The following LRRC66 variants were observed in gnomAD, a reference collection of about 807,000 sequenced individuals.
LRRC66 encodes leucine rich repeat containing 66, also known as leucine-rich repeat-containing protein 66.
Under a neutral mutation model 24.6 loss-of-function variants are expected in LRRC66, and 29 were observed. The observed-to-expected ratio is 1.18, with a 90% CI of 0.88 to 1.61. The LOEUF (loss-of-function observed/expected upper bound fraction) is 1.61, where lower values mean the gene tolerates loss of function less well. Ranked by LOEUF, LRRC66 falls within the 40% of genes most tolerant of loss-of-function variation. The pLI, the probability that LRRC66 is intolerant of heterozygous loss-of-function variation, is 0.00. For missense variants in LRRC66, 1,124 were observed against 1,058.0 expected, an observed-to-expected ratio of 1.06 and a Z score of -0.87; for synonymous variants, 411 against 397.6, an observed-to-expected ratio of 1.03 and a Z score of -0.40.
chr4:51,996,021 G>C lies in LRRC66; in HGVS notation c.1001C>G (p.Thr334Ser). Residue 334 changes from threonine to serine, a missense_variant, in exon 5 of 5, where the codon ACT becomes AGT. By Grantham distance (58) the Thr-to-Ser change is moderately conservative. Coordinates refer to ENST00000682860, the MANE Select transcript of LRRC66 (RefSeq NM_001024611.3). ...PQGGRHTGIS[T>S]LGKKAKAGSG... The stretch of plus-strand genomic sequence containing the variant: ...GCCGGCCTTTGCCTTCTTCCCCAGA[G>C]TAGAAATGCCCGTGTGCCTTCCTCC... 1.2e-6 allele frequency: 2 copies of C among 1,613,936 alleles called. No homozygotes were observed. Among genetic ancestry groups the C allele is most frequent in the Admixed American group, 1.7e-5 (1 of 59,998 alleles).
In LRRC66 at chr4:51,994,810, C is replaced by G. The variant is rs199780048; in HGVS notation, c.2212G>C (p.Glu738Gln). The G allele has an allele frequency of 2.6e-4, 417 of 1,614,196 alleles. No homozygotes were observed. The highest frequency in any genetic ancestry group is 3.1e-4 in the Non-Finnish European group (362 of 1,180,018). Reference sequence around the variant, plus strand: ...TTGTCCTTGCTTGCCCCTGAGCTCTCGTCCTGCAGGGACTCCTCATCAGGC... The same window carrying G: ...TTGTCCTTGCTTGCCCCTGAGCTCTGGTCCTGCAGGGACTCCTCATCAGGC... ...AVPDEESLQD[E>Q]SSGASKDNVT... Residue 738 changes from glutamate to glutamine, a missense_variant, in exon 5 of 5, where the codon GAG becomes CAG. Physicochemically the swap from Glu to Gln is conservative, Grantham distance 29. Transcript: ENST00000682860.
chr4:51,999,715 C>T (rs1736404959), intron 3 of LRRC66, among the ~76,000 whole-genome samples: 2 of 151,968 alleles, frequency 1.3e-5, no homozygotes, highest in African/African-American at 4.8e-5. Flanking sequence ...AATAAAATTA[C>T]TCAGGAGGAA....
At chr4:52,018,113 A>T (rs1240824726) in intron 1 of LRRC66, 1 of 985,342 alleles carries the variant, frequency 1.0e-6, no homozygotes, top group Non-Finnish European at 1.2e-6. Flanking sequence ...TTTAACTCAC[A>T]AAAGAGGCTC....
intron 2 of LRRC66, among the ~76,000 whole-genome samples, chr4:52,012,946 T>C (rs1560561994): frequency 6.6e-6 from 1 of 152,218 alleles, no homozygotes; most frequent in Non-Finnish European, 1.5e-5. Flanking sequence ...CCAAGTGTGA[T>C]AACCTGATAA....
In LRRC66 at chr4:52,003,202, T is replaced by C. The variant is rs201792832; in HGVS notation, c.666+21A>G. 5.1e-6 allele frequency: 8 copies of C among 1,580,496 alleles called. No individual in the cohort carries two copies. In the Admixed American group the frequency reaches 5.3e-5, roughly 10 times the overall value. ...CCCATGTGTCTTCCTTATTCAAATA[T>C]TATAAAAATGATTTTAGAACCTGTA... On this transcript the variant is annotated intron_variant, in intron 3 of 4. Coordinates refer to ENST00000682860, the MANE Select transcript of LRRC66 (RefSeq NM_001024611.3).
intron 1 of LRRC66, among the ~76,000 whole-genome samples, chr4:52,018,999 C>T (rs574761114): frequency 7.9e-5 from 12 of 152,306 alleles, no homozygotes; most frequent in Non-Finnish European, 1.2e-4. Flanking sequence ...GCCTCAGCCT[C>T]CCGAGTAGCT....
Position 51,994,715 on chromosome 4 carries a change from T to C in LRRC66, c.2307A>G (p.Gln769=), listed in dbSNP as rs1736250586. 1 of 1,614,112 alleles carries C rather than the reference T, an allele frequency of 6.2e-7. No homozygotes were observed. Among genetic ancestry groups the C allele is most frequent in the Non-Finnish European group, 8.5e-7 (1 of 1,180,046 alleles). Residue 769 remains glutamine, a synonymous_variant, in exon 5 of 5, where the codon CAA becomes CAG. Coordinates refer to ENST00000682860, the MANE Select transcript of LRRC66 (RefSeq NM_001024611.3). ...TGAGAGGTTTTTCAAAGGGATCTTC[T>C]TGATTCTTGCATTTCCCTGGAATTG... ...FQTIPGKCKN[Q]EDPFEKPLIS... is the part of the protein sequence containing the mutation.
At chr4:52,016,632 A>C (rs1459529167) in intron 2 of LRRC66, among the ~76,000 whole-genome samples, 1 of 152,172 alleles carries the variant, frequency 6.6e-6, no homozygotes, top group Non-Finnish European at 1.5e-5. Flanking sequence ...GAAGGTTTAC[A>C]TACCAATATA....
chr4:52,014,578 A>C (rs564243437), intron 2 of LRRC66, among the ~76,000 whole-genome samples: 1 of 152,230 alleles, frequency 6.6e-6, no homozygotes, highest in Admixed American at 6.5e-5. Flanking sequence ...TAGGCCAAAA[A>C]TAGGGCATGC....
rs1426817321 is a variant in LRRC66 at position 51,996,164 on chromosome 4, C to T, written c.858G>A (p.Gly286=). Residue 286 remains glycine, a splice_region_variant and synonymous_variant, in exon 5 of 5, where the codon GGG becomes GGA. Coordinates refer to ENST00000682860, the MANE Select transcript of LRRC66 (RefSeq NM_001024611.3). ...KWNVICNRSI[G]SEEANGGTPQ... The stretch of plus-strand genomic sequence containing the variant: ...GAGTGCCCCCGTTGGCCTCCTCACT[C>T]CCTGCAAGTGGGATTAAAAAAATAC... The T allele has an allele frequency of 1.9e-6, 3 of 1,601,078 alleles. No individual in the cohort carries two copies. The highest frequency in any genetic ancestry group is 1.3e-5 in the African/African-American group (1 of 74,314).
At chr4:52,018,578 CTT>C (rs1447763420) in intron 1 of LRRC66, 6 of 985,424 alleles carry the variant, frequency 6.1e-6, no homozygotes, top group African/African-American at 5.2e-5. Context: ...GCCTCTGCCT[CTT>C]GACTTTCCTT....
chr4:52,015,154 A>G (rs990375627), intron 2 of LRRC66, among the ~76,000 whole-genome samples: 2 of 152,114 alleles, frequency 1.3e-5, no homozygotes, highest in African/African-American at 4.8e-5. Context: ...TTACTTCCCT[A>G]TATTTTCCTC....
rs1039833829 is a variant in LRRC66 at position 51,998,791 on chromosome 4, G to A, written c.667-854C>T. 2.6e-4 allele frequency among the ~76,000 whole-genome samples: 39 copies of A among 152,290 alleles called. 1 individual carries two copies. Among genetic ancestry groups the A allele is most frequent in the Admixed American group, 1.5e-3 (23 of 15,292 alleles). On this transcript the variant is annotated intron_variant, in intron 3 of 4. Coordinates refer to ENST00000682860, the MANE Select transcript of LRRC66 (RefSeq NM_001024611.3). ...GGAGGAGCTTTAGCTGCCATTTGCCGAGCCCTGCTGGGTCCCAGACATGCT... is the reference window on the plus strand; with the variant it reads ...GGAGGAGCTTTAGCTGCCATTTGCCAAGCCCTGCTGGGTCCCAGACATGCT...
At chr4:52,001,960 C>T (rs1162602512) in intron 3 of LRRC66, among the ~76,000 whole-genome samples, 1 of 152,136 alleles carries the variant, frequency 6.6e-6, no homozygotes, top group East Asian at 1.9e-4. Flanking sequence ...ATTCATTTAA[C>T]AAGTATTTAA....
At chr4:52,014,650 C>A (rs1736772870) in intron 2 of LRRC66, among the ~76,000 whole-genome samples, 1 of 152,210 alleles carries the variant, frequency 6.6e-6, no homozygotes, top group Non-Finnish European at 1.5e-5. Flanking sequence ...GTCAGAGCAA[C>A]TCAGCCATAG....
At chr4:52,000,462 C>T (rs1448357507) in intron 3 of LRRC66, among the ~76,000 whole-genome samples, 1 of 152,178 alleles carries the variant, frequency 6.6e-6, no homozygotes, top group South Asian at 2.1e-4. Flanking sequence ...GGTGATCAGG[C>T]CCTTGAGTAC....
In LRRC66 at chr4:51,994,455, G is replaced by A. The variant is rs764431146; in HGVS notation, c.2567C>T (p.Pro856Leu). ...TGAGGGAACTTCAGCAGAACATGGTGGTGTTTGCTGTAAAACGTCCACATT... is the reference window on the plus strand; with the variant it reads ...TGAGGGAACTTCAGCAGAACATGGTAGTGTTTGCTGTAAAACGTCCACATT... ...FSNVDVLQQTPPCSAEVPSDP... is the reference protein window; with the variant it reads ...FSNVDVLQQTLPCSAEVPSDP... The change falls in exon 5 of 5, where the codon CCA (proline) becomes CTA (leucine). Residue 856 changes from proline (P) to leucine (L), a missense_variant. By Grantham distance (98) the Pro-to-Leu change is moderately conservative. Transcript: ENST00000682860. The A allele has an allele frequency of 5.0e-6, 8 of 1,614,122 alleles. No homozygotes were observed. The African/African-American group carries it at 8.0e-5, about 16-fold the overall frequency.
chr4:51,995,194 C>G lies in LRRC66; in HGVS notation c.1828G>C (p.Glu610Gln), dbSNP rs752827386. The G allele has an allele frequency of 6.2e-7, 1 of 1,614,210 alleles. No homozygotes were observed. The highest frequency in any genetic ancestry group is 1.1e-5 in the South Asian group (1 of 91,082). The change falls in exon 5 of 5, where the codon GAA (glutamate) becomes CAA (glutamine). Residue 610 changes from glutamate (E) to glutamine (Q), a missense_variant. Physicochemically the swap from Glu to Gln is conservative, Grantham distance 29. Coordinates refer to ENST00000682860, the MANE Select transcript of LRRC66 (RefSeq NM_001024611.3). Reference sequence around the variant, plus strand: ...ATCTGCGAGTCCCAAAGTGACTGTTCAGTGCCCCCTCTTTCCTTACTATCT... The same window carrying G: ...ATCTGCGAGTCCCAAAGTGACTGTTGAGTGCCCCCTCTTTCCTTACTATCT... Reference protein sequence around the residue: ...TGDSKERGGTEQSLWDSQMEF... With the variant: ...TGDSKERGGTQQSLWDSQMEF...
intron 2 of LRRC66, among the ~76,000 whole-genome samples, chr4:52,010,481 A>ACTC (rs998234381): frequency 1.3e-5 from 2 of 151,006 alleles, no homozygotes; most frequent in African/African-American, 4.9e-5. Context: ...CTCCTCCCAC[A>ACTC]CTCCTCCTCC....
Sources: gnomAD v4.1 joint callset for allele counts (sites outside exome capture counted in the v4.1 genomes callset) on GRCh38, gnomAD v4.1.1 for gene constraint, MANE v1.5 for transcripts, NCBI Gene and HGNC (gene_info 2026-07-23, HGNC 2026-07-21) for gene names.